DSCAM: variants seen among roughly 807,000 people sequenced by gnomAD.
DSCAM encodes the protein DS cell adhesion molecule, also known as cell adhesion molecule DSCAM.
Under a neutral mutation model 217.7 loss-of-function variants are expected in DSCAM, and 47 were observed. That is an observed-to-expected ratio of 0.22 (90% confidence interval 0.17 to 0.28). DSCAM has a LOEUF of 0.28. Ranked by LOEUF, DSCAM falls within the 10% of genes least tolerant of loss-of-function variation. The pLI is 1.00. For missense variants in DSCAM, 2,080 were observed against 2,618.3 expected (o/e 0.79, Z 4.49); for synonymous variants, 1,056 against 1,015.3 (o/e 1.04, Z -0.76).
intron 27 of DSCAM, among the ~76,000 whole-genome samples, chr21:40,070,907 AAAATAATAAACACAT>A (rs1219171925): frequency 6.6e-6 from 1 of 152,234 alleles, no homozygotes; most frequent in East Asian, 1.9e-4. Context: ...AAGCATGTTT[AAAATAATAAACACAT>A]TTCCATTCAA....
chr21:40,818,102 C>CAA (rs35894315), intron 1 of DSCAM, among the ~76,000 whole-genome samples: 28 of 52,246 alleles, frequency 5.4e-4, no homozygotes, highest in African/African-American at 1.3e-3. Flanking sequence ...GACTCCGTCT[C>CAA]AAAAAAAAAA....
intron 1 of DSCAM, among the ~76,000 whole-genome samples, chr21:40,716,504 A>C (rs2090844067): frequency 6.6e-6 from 1 of 152,194 alleles, no homozygotes; most frequent in South Asian, 2.1e-4. Context: ...TACCAACACT[A>C]AGGGAGCTAA....
chr21:40,070,732 C>A (rs1025573345), intron 27 of DSCAM, among the ~76,000 whole-genome samples: 5 of 152,176 alleles, frequency 3.3e-5, no homozygotes, highest in African/African-American at 1.2e-4. Flanking sequence ...ATGAGGGGAG[C>A]TTTGGGCTCA....
chr21:40,490,404 A>G (rs1005682703), intron 3 of DSCAM, among the ~76,000 whole-genome samples: 1 of 152,168 alleles, frequency 6.6e-6, no homozygotes, highest in East Asian at 1.9e-4. Context: ...TTTACTTACT[A>G]TGTAGGTTCA....
At chr21:40,620,217 G>A (rs1457679547) in intron 3 of DSCAM, among the ~76,000 whole-genome samples, 1 of 81,264 alleles carries the variant, frequency 1.2e-5, no homozygotes. Flanking sequence ...GAAAGAGAGA[G>A]AAAAAAGAAA....
intron 3 of DSCAM, chr21:40,383,513 C>T (rs2075048406): frequency 6.6e-6 from 1 of 152,176 alleles, no homozygotes; most frequent in African/African-American, 2.4e-5. Context: ...AAGGGAAAGC[C>T]ACAGAAGGTA....
chr21:40,562,176 T>C (rs2076725480), intron 3 of DSCAM, among the ~76,000 whole-genome samples: 1 of 152,144 alleles, frequency 6.6e-6, no homozygotes. Flanking sequence ...TCCCCAGGTG[T>C]TGAGGGATAG....
chr21:40,042,718 A>G, intron 31 of DSCAM, 45 bp from the exon 32 acceptor site: 1 of 1,541,208 alleles, frequency 6.5e-7, no homozygotes, highest in Non-Finnish European at 8.7e-7. Flanking sequence ...TCACCATCAG[A>G]AGTCTGAACC....
intron 8 of DSCAM, among the ~76,000 whole-genome samples, chr21:40,324,175 A>T (rs562675913): frequency 1.3e-5 from 2 of 151,610 alleles, no homozygotes; most frequent in South Asian, 2.1e-4. Flanking sequence ...AAAGGAAGGC[A>T]AATAACTTTT....
chr21:40,148,353 G>T lies in DSCAM; in HGVS notation c.3019-3622C>A, dbSNP rs2090382947. ...ATAAGGTTTAAAAACAGACTTAAAAGGTAGTGGGAGAGGATGGGAGCAGCA... is the reference window on the plus strand; with the variant it reads ...ATAAGGTTTAAAAACAGACTTAAAATGTAGTGGGAGAGGATGGGAGCAGCA... On this transcript the variant is annotated intron_variant, in intron 16 of 32. Coordinates refer to ENST00000400454, the MANE Select transcript of DSCAM (RefSeq NM_001389.5). Among the ~76,000 whole-genome samples, 3 of 152,138 alleles carry T rather than the reference G, an allele frequency of 2.0e-5. No homozygotes were observed. The South Asian group carries it at 6.2e-4, about 32-fold the overall frequency.
At chr21:40,573,374 T>C (rs1276303894) in intron 3 of DSCAM, among the ~76,000 whole-genome samples, 1 of 151,962 alleles carries the variant, frequency 6.6e-6, no homozygotes, top group Non-Finnish European at 1.5e-5. Flanking sequence ...TAAATGAAAA[T>C]AAATAGCTTT....
chr21:40,673,198 C>T (rs975323216), intron 3 of DSCAM, among the ~76,000 whole-genome samples: 1 of 152,114 alleles, frequency 6.6e-6, no homozygotes, highest in African/African-American at 2.4e-5. Context: ...TTGGTTGCCT[C>T]TTGTTCCATC....
chr21:40,162,763 G>A (rs187325864), intron 16 of DSCAM, among the ~76,000 whole-genome samples: 19 of 151,998 alleles, frequency 1.3e-4, no homozygotes, highest in Admixed American at 8.5e-4. Context: ...AAATTTTCAC[G>A]CAGATAGTAC....
intron 2 of DSCAM, among the ~76,000 whole-genome samples, chr21:40,693,655 G>T (rs886326721): frequency 1.3e-5 from 2 of 152,120 alleles, no homozygotes; most frequent in African/African-American, 4.8e-5. Context: ...GAAGCCTTGA[G>T]AACTCTGAGA....
intron 1 of DSCAM, among the ~76,000 whole-genome samples, chr21:40,792,237 C>A (rs1040343585): frequency 1.4e-5 from 2 of 147,980 alleles, no homozygotes; most frequent in Admixed American, 6.8e-5. Flanking sequence ...TTCCTGGGTT[C>A]AAGCAATTCT....
intron 32 of DSCAM, among the ~76,000 whole-genome samples, chr21:40,025,233 G>C: frequency 1.0e-5 from 1 of 96,258 alleles, no homozygotes; most frequent in East Asian, 3.0e-4. Flanking sequence ...ACTTGATCAT[G>C]GTGGATAAGC....
chr21:40,657,671 C>A (rs1186506117), intron 3 of DSCAM, among the ~76,000 whole-genome samples: 2 of 152,158 alleles, frequency 1.3e-5, no homozygotes, highest in African/African-American at 4.8e-5. Context: ...ACGCGGCAAT[C>A]TGATCAGGGA....
intron 3 of DSCAM, among the ~76,000 whole-genome samples, chr21:40,444,662 C>G (rs561347765): frequency 1.9e-4 from 29 of 152,270 alleles, no homozygotes; most frequent in Non-Finnish European, 3.8e-4. Flanking sequence ...AGAACTGATA[C>G]AATTATCTGG....
At chr21:40,528,361 T>G (rs1441092954) in intron 3 of DSCAM, among the ~76,000 whole-genome samples, 1 of 152,218 alleles carries the variant, frequency 6.6e-6, no homozygotes, top group Non-Finnish European at 1.5e-5. Flanking sequence ...ATATACTATA[T>G]TATACTCCAT....
Sources: gnomAD v4.1 joint callset for allele counts (sites outside exome capture counted in the v4.1 genomes callset) on GRCh38, gnomAD v4.1.1 for gene constraint, MANE v1.5 for transcripts, NCBI Gene and HGNC (gene_info 2026-07-23, HGNC 2026-07-21) for gene names.